Variants in SPC24 observed in about 807,000 individuals in gnomAD.
SPC24 encodes kinetochore protein Spc24.
In SPC24, 31 loss-of-function variants were observed where a neutral mutation model predicts 27.6. The observed-to-expected ratio is 1.12, with a 90% CI of 0.84 to 1.52. SPC24 has a LOEUF of 1.52. SPC24 is among the 40% of genes most tolerant of loss of function. The pLI is 0.00. For missense variants in SPC24, 284 were observed against 252.5 expected (o/e 1.12, Z -0.84); for synonymous variants, 105 against 105.8 (o/e 0.99, Z 0.05).
At chr19:11,152,359 G>A (rs562189425) in intron 1 of SPC24, among the ~76,000 whole-genome samples, 6 of 152,028 alleles carry the variant, frequency 3.9e-5, no homozygotes, top group East Asian at 1.9e-4. Flanking sequence ...ACAGGCATGC[G>A]CCACAACGGC....
At chr19:11,154,538 C>CA (rs1478880232) in intron 1 of SPC24, among the ~76,000 whole-genome samples, 12 of 152,106 alleles carry the variant, frequency 7.9e-5, no homozygotes. Flanking sequence ...GGCTCTGTCT[C>CA]ACAGTAAGTA....
chr19:11,150,677 T>G (rs1017849417), intron 1 of SPC24, among the ~76,000 whole-genome samples: 1 of 151,792 alleles, frequency 6.6e-6, no homozygotes, highest in Non-Finnish European at 1.5e-5. Flanking sequence ...GCACCTGTAG[T>G]CCCACCTACT....
chr19:11,149,707 CCT>C (rs2077855609), intron 1 of SPC24, among the ~76,000 whole-genome samples: 1 of 151,632 alleles, frequency 6.6e-6, no homozygotes, highest in Admixed American at 6.6e-5. Flanking sequence ...ATGGTAAAAC[CCT>C]GTCTTTTTTT....
Position 11,148,035 on chromosome 19 carries a change from T to C in SPC24, c.388A>G (p.Thr130Ala), listed in dbSNP as rs1375076426. Residue 130 changes from threonine to alanine, a missense_variant, in exon 3 of 5, where the codon ACA becomes GCA. Thr to Ala is a moderately conservative substitution (Grantham distance 58). Transcript: ENST00000592540. ...RQEKEVDEDT[T>A]VTIPSAVYVA... ...TACACGGCCGAGGGGATTGTGACTG[T>C]CGTGTCCTCGTCGACCTCCTTCTCC... 6.2e-7 allele frequency: 1 copy of C among 1,613,684 alleles called. No homozygotes were observed. Among genetic ancestry groups the C allele is most frequent in the East Asian group, 2.2e-5 (1 of 44,888 alleles).
Position 11,149,198 on chromosome 19 carries a change from G to A in SPC24, c.201C>T (p.Leu67=). 1 of 1,550,870 alleles carries A rather than the reference G, an allele frequency of 6.4e-7. No individual in the cohort carries two copies. The highest frequency in any genetic ancestry group is 8.7e-7 in the Non-Finnish European group (1 of 1,146,798). The change falls in exon 2 of 5, where the codon CTC becomes CTT. Residue 67 remains leucine (L), a synonymous_variant. Coordinates refer to ENST00000592540, the MANE Select transcript of SPC24 (RefSeq NM_182513.4). The part of the protein sequence containing the change: ...TMEKEVAQSL[L]NAKEQVHQGG... Reference sequence around the variant, plus strand: ...CCTGGTGCACCTGCTCCTTCGCATTGAGAAGGCTCTGGGCCACTTCCTTCT... The same window carrying A: ...CCTGGTGCACCTGCTCCTTCGCATTAAGAAGGCTCTGGGCCACTTCCTTCT...
rs370844595 is a variant in SPC24, at chr19:11,147,965, G to A, written c.410+48C>T. The A allele has an allele frequency of 4.3e-5, 69 of 1,593,822 alleles. 1 individual carries two copies. The East Asian group carries it at 8.7e-4, about 20-fold the overall frequency. ...CCAGCACCAACTTCAACCAAGAGCCGGACTGCACAAGGAGGCACAGGCAGG... is the reference window on the plus strand; with the variant it reads ...CCAGCACCAACTTCAACCAAGAGCCAGACTGCACAAGGAGGCACAGGCAGG... On this transcript the variant is annotated intron_variant, in intron 3 of 4. Transcript: ENST00000592540.
Position 11,147,908 on chromosome 19 carries a change from C to CAAAAAAAAAAAAAAAAAAAAAAA in SPC24, c.411-15_411-14insTTTTTTTTTTTTTTTTTTTTTTT. The stretch of plus-strand genomic sequence containing the variant: ...TGAGCCACGTACCTGTACAGGAAGA[C>CAAAAAAAAAAAAAAAAAAAAAAA]AAAAAAAAAAAAAAAAAAAAAAGAA... On this transcript the variant is annotated splice_polypyrimidine_tract_variant and intron_variant, in intron 3 of 4. Transcript: ENST00000592540. 3 of 1,115,830 alleles carry CAAAAAAAAAAAAAAAAAAAAAAA rather than the reference C, an allele frequency of 2.7e-6. No individual in the cohort carries two copies. The highest frequency in any genetic ancestry group is 4.3e-5 in the African/African-American group (2 of 46,116). The allele number at this position is 1,115,830 out of a possible 1,614,324, so 69.1% of individuals were successfully genotyped here. A position where few individuals can be genotyped will look rare whatever the true frequency, so the allele number is the denominator to read the frequency against.
intron 1 of SPC24, among the ~76,000 whole-genome samples, chr19:11,154,883 C>T (rs1490136328): frequency 6.6e-6 from 1 of 152,084 alleles, no homozygotes; most frequent in Non-Finnish European, 1.5e-5. Context: ...CTGAACTGTG[C>T]AGTTACAGAT....
At chr19:11,149,563 AG>A (rs998105739) in intron 1 of SPC24, among the ~76,000 whole-genome samples, 2 of 152,012 alleles carry the variant, frequency 1.3e-5, no homozygotes, top group Non-Finnish European at 2.9e-5. Context: ...TGGGCAACAT[AG>A]GGAGATCCCA....
At chr19:11,149,887 T>G (rs1188415126) in intron 1 of SPC24, among the ~76,000 whole-genome samples, 1 of 151,228 alleles carries the variant, frequency 6.6e-6, no homozygotes. Flanking sequence ...ATTTTTTGTA[T>G]TTTTAGTAGG....
chr19:11,147,253 A>T lies in SPC24; in HGVS notation c.524T>A (p.Leu175Gln), dbSNP rs2077833255. The T allele has an allele frequency of 2.6e-6, 4 of 1,567,968 alleles. No homozygotes were observed. Among genetic ancestry groups the T allele is most frequent in the Non-Finnish European group, 3.5e-6 (4 of 1,155,636 alleles). Residue 175 changes from leucine to glutamine, a missense_variant, in exon 5 of 5, where the codon CTG (leucine) becomes CAG (glutamine). Leu to Gln is a moderately radical substitution (Grantham distance 113). Transcript: ENST00000592540. ...TTTCCTGGAGAGCTGGGTGCTGTCCAGGTGGATGGGCTGGGCCACACTGGG... is the reference window on the plus strand; with the variant it reads ...TTTCCTGGAGAGCTGGGTGCTGTCCTGGTGGATGGGCTGGGCCACACTGGG... The part of the protein sequence containing the change: ...HGPSVAQPIH[L>Q]DSTQLSRKFI...
At chr19:11,153,137 AC>A (rs1382404952) in intron 1 of SPC24, among the ~76,000 whole-genome samples, 1 of 152,038 alleles carries the variant, frequency 6.6e-6, no homozygotes, top group African/African-American at 2.4e-5. Flanking sequence ...CTGGCTGAAT[AC>A]AAAAAAGAAC....
intron 4 of SPC24, 127 bp from the exon 5 acceptor site, chr19:11,147,416 A>C: frequency 1.6e-6 from 1 of 636,996 alleles, no homozygotes; most frequent in East Asian, 2.9e-5. Context: ...GCTGGAGTAC[A>C]GTGGTGCGAT....
At chr19:11,149,380 T>A in intron 1 of SPC24, 142 bp from the exon 2 acceptor site, 1 of 610,796 alleles carries the variant, frequency 1.6e-6, no homozygotes, top group Non-Finnish European at 2.6e-6. Context: ...ACTGGCAACT[T>A]GTACAACTAC....
intron 1 of SPC24, among the ~76,000 whole-genome samples, chr19:11,153,312 C>T (rs1188524466): frequency 1.3e-5 from 2 of 151,526 alleles, no homozygotes; most frequent in African/African-American, 2.4e-5. Context: ...ATTAGCCGGG[C>T]GTGGTGGCGG....
rs983669502 is a variant in SPC24 at position 11,145,825 on chromosome 19, T to C, written c.*1358A>G. 6.6e-6 allele frequency: 1 copy of C among 152,234 alleles called. No individual in the cohort carries two copies. Among genetic ancestry groups the C allele is most frequent in the African/African-American group, 2.4e-5 (1 of 41,464 alleles). The allele number at this position is 152,234 out of a possible 1,614,324, so 9.4% of individuals were successfully genotyped here. ...TGTAACATTTCCACATACATTTCAC[T>C]GGCCAGACCTTAACTATAAGGGCAG... is the stretch of plus-strand genomic sequence containing the variant. On this transcript the variant is annotated 3_prime_UTR_variant, in exon 5 of 5. Transcript: ENST00000592540.
chr19:11,148,141 C>G (rs757292412), intron 2 of SPC24, 24 bp from the exon 3 acceptor site: 2 of 1,572,968 alleles, frequency 1.3e-6, no homozygotes, highest in South Asian at 2.2e-5. Context: ...TTAAGGACCC[C>G]GGCTTTCGAG....
rs577585643 is a variant in SPC24 at position 11,154,752 on chromosome 19, A to G, written c.160+865T>C. ...GAACCCTGGTGGGTGCCAGGGTCTGAGAAGGGGATGGGGAGTGAGTGTTTC... is the reference window on the plus strand; with the variant it reads ...GAACCCTGGTGGGTGCCAGGGTCTGGGAAGGGGATGGGGAGTGAGTGTTTC... On this transcript the variant is annotated intron_variant, in intron 1 of 4. Coordinates refer to ENST00000592540, the MANE Select transcript of SPC24 (RefSeq NM_182513.4). 1.2e-4 allele frequency among the ~76,000 whole-genome samples: 18 copies of G among 152,234 alleles called. No individual in the cohort carries two copies. In the South Asian group the frequency reaches 1.4e-3, roughly 12 times the overall value.
At position 11,155,746 on chromosome 19, in the gene SPC24, T is replaced by C; in HGVS notation, c.31A>G (p.Ser11Gly). The C allele has an allele frequency of 6.3e-7, 1 of 1,575,698 alleles. No individual in the cohort carries two copies. The highest frequency in any genetic ancestry group is 8.6e-7 in the Non-Finnish European group (1 of 1,168,946). ...CCCAGCAGGCTGAGCAGCCCCTGGC[T>C]CACCTCCTCTATGTCGCGGAAGGCG... is the stretch of plus-strand genomic sequence containing the variant. MAAFRDIEEV[S>G]QGLLSLLGAN... Residue 11 changes from serine (S) to glycine (G), a missense_variant, in exon 1 of 5, where the codon AGC becomes GGC. Physicochemically the swap from Ser to Gly is moderately conservative, Grantham distance 56. Transcript: ENST00000592540.
Sources: gnomAD v4.1 joint callset for allele counts (sites outside exome capture counted in the v4.1 genomes callset) on GRCh38, gnomAD v4.1.1 for gene constraint, MANE v1.5 for transcripts, NCBI Gene and HGNC (gene_info 2026-07-23, HGNC 2026-07-21) for gene names.